The following PKD1L3 variants were observed in gnomAD, a reference collection of about 807,000 sequenced individuals.
PKD1L3 encodes polycystin-1-like protein 3.
A neutral mutation model predicts 184.1 loss-of-function variants in PKD1L3; 239 were observed. The observed-to-expected ratio is 1.30, with a 90% confidence interval of 1.17 to 1.45. The LOEUF (loss-of-function observed/expected upper bound fraction) is 1.45, where lower values mean the gene tolerates loss of function less well. Among genes scored for constraint, PKD1L3 ranks in the 40% most tolerant of loss-of-function variants. The pLI, the probability that PKD1L3 is intolerant of heterozygous loss-of-function variation, is 0.00. For missense variants in PKD1L3, 2,660 were observed against 2,067.2 expected (o/e 1.29, Z -5.56); for synonymous variants, 996 against 778.8 (o/e 1.28, Z -4.64).
At chr16:71,968,930 CTT>C (rs1196853513) in intron 13 of PKD1L3, among the ~76,000 whole-genome samples, 1 of 137,544 alleles carries the variant, frequency 7.3e-6, no homozygotes. Flanking sequence ...TTACATATAA[CTT>C]TTTTTTTTTT....
chr16:71,976,241 G>A (rs1049069893), intron 11 of PKD1L3, among the ~76,000 whole-genome samples: 3 of 133,218 alleles, frequency 2.3e-5, no homozygotes, highest in African/African-American at 8.0e-5. Flanking sequence ...TTTCAGGCAT[G>A]AGCCACTGAG....
Position 71,934,455 on chromosome 16 carries a change from C to T in PKD1L3, c.4614-330G>A, listed in dbSNP as rs1217479198. Among the ~76,000 whole-genome samples the T allele has an allele frequency of 2.0e-5, 3 of 152,158 alleles. No individual in the cohort carries two copies. The East Asian group carries it at 5.8e-4, about 29-fold the overall frequency. On this transcript the variant is annotated intron_variant, in intron 26 of 29. Transcript: ENST00000620267. Reference sequence around the variant, plus strand: ...TCCTGCACTGCTCTGAGCCAAATCTCTCCTCTCAAAAGGAGATTAACTCAG... The same window carrying T: ...TCCTGCACTGCTCTGAGCCAAATCTTTCCTCTCAAAAGGAGATTAACTCAG...
At chr16:71,977,557 GC>G in intron 10 of PKD1L3, 90 bp from the exon 11 acceptor site, 11 of 671,624 alleles carry the variant, frequency 1.6e-5, no homozygotes, top group Non-Finnish European at 2.2e-5. Context: ...AAACGTCCTA[GC>G]TCTTTTTTTT....
chr16:71,950,104 G>T lies in PKD1L3; in HGVS notation c.3383+14C>A. On this transcript the variant is annotated intron_variant, in intron 20 of 29. Transcript: ENST00000620267. Reference sequence around the variant, plus strand: ...GATTACAGGGGATAAAGAAGGCTTGGTGTGGTGCATTACCTGGATGGCTCT... The same window carrying T: ...GATTACAGGGGATAAAGAAGGCTTGTTGTGGTGCATTACCTGGATGGCTCT... 6.4e-7 allele frequency: 1 copy of T among 1,550,434 alleles called. No homozygotes were observed. The highest frequency in any genetic ancestry group is 8.7e-7 in the Non-Finnish European group (1 of 1,145,706).
At chr16:71,965,414 G>T (rs1283119001) in intron 15 of PKD1L3, among the ~76,000 whole-genome samples, 2 of 152,064 alleles carry the variant, frequency 1.3e-5, no homozygotes, top group Non-Finnish European at 2.9e-5. Context: ...TGATTTCTGG[G>T]TCACATGGTC....
rs1218124434 is a variant in PKD1L3, at chr16:71,963,315, A to T, written c.2502T>A (p.Val834=). 1.3e-6 allele frequency: 2 copies of T among 1,551,282 alleles called. No homozygotes were observed. The highest frequency in any genetic ancestry group is 2.7e-5 in the African/African-American group (2 of 73,044). ...VSQVIVCDMA[V]KRKWHFLCNC... ...TGCACAGGAAATGCCACTTCCTCTT[A>T]ACTGCCATGTCACAGACAATTACCT... Residue 834 remains valine, a synonymous_variant, in exon 16 of 30, where the codon GTT becomes GTA. Coordinates refer to ENST00000620267, the MANE Select transcript of PKD1L3 (RefSeq NM_181536.2).
chr16:71,971,174 T>C (rs1361266855), intron 12 of PKD1L3, among the ~76,000 whole-genome samples: 2 of 152,228 alleles, frequency 1.3e-5, no homozygotes, highest in African/African-American at 2.4e-5. Context: ...TAGAGAGGGA[T>C]ACTCAGAGGG....
chr16:71,956,144 C>T (rs2039037168), intron 16 of PKD1L3, among the ~76,000 whole-genome samples: 1 of 151,192 alleles, frequency 6.6e-6, no homozygotes, highest in African/African-American at 2.4e-5. Flanking sequence ...AGGTGTGAGC[C>T]ACTGCACCTG....
intron 11 of PKD1L3, among the ~76,000 whole-genome samples, chr16:71,974,442 G>C (rs765115486): frequency 1.3e-5 from 2 of 152,218 alleles, no homozygotes; most frequent in Non-Finnish European, 2.9e-5. Context: ...CACTTTGGGA[G>C]GTTAAGGCAG....
intron 16 of PKD1L3, among the ~76,000 whole-genome samples, chr16:71,959,339 G>C (rs2039179665): frequency 1.3e-5 from 2 of 152,268 alleles, no homozygotes; most frequent in Admixed American, 6.5e-5. Flanking sequence ...GAACCTGGGA[G>C]GTGGAGGTTG....
rs1480331347 is a variant in PKD1L3, at chr16:71,945,390, ATATATATATTTATT to A, written c.3719-1234_3719-1221del. ...TACACACACGCACACACACATATAT[ATATATATATTTATT>A]TATTTATTTATTTATTTATTTATAT... On this transcript the variant is annotated intron_variant, in intron 22 of 29. Transcript: ENST00000620267. 6.2e-4 allele frequency among the ~76,000 whole-genome samples: 58 copies of A among 94,216 alleles called. 1 individual carries two copies. The highest frequency in any genetic ancestry group is 1.0e-3 in the Non-Finnish European group (47 of 46,260). The allele number at this position is 94,216 out of a possible 152,430, so 61.8% of individuals were successfully genotyped here.
intron 16 of PKD1L3, 52 bp downstream of exon 16, chr16:71,963,153 A>C: frequency 6.9e-7 from 1 of 1,453,528 alleles, no homozygotes; most frequent in Middle Eastern, 1.8e-4. Context: ...TGAACAATTC[A>C]ATTAATAGTG....
Position 71,979,053 on chromosome 16 carries a change from G to C in PKD1L3, c.1399-670C>G, listed in dbSNP as rs563940262. 4.9e-4 allele frequency among the ~76,000 whole-genome samples: 74 copies of C among 152,320 alleles called. No homozygotes were observed. The South Asian group carries it at 0.015, about 31-fold the overall frequency. On this transcript the variant is annotated intron_variant, in intron 9 of 29. Coordinates refer to ENST00000620267, the MANE Select transcript of PKD1L3 (RefSeq NM_181536.2). ...TCAGGATAAGGCAACAATGCTACTT[G>C]TATTTGTCAGGTAACTGCTGAAAGG...
chr16:71,953,653 G>C (rs1339795432), intron 17 of PKD1L3, among the ~76,000 whole-genome samples: 1 of 152,058 alleles, frequency 6.6e-6, no homozygotes, highest in African/African-American at 2.4e-5. Context: ...GAGTGCAGTG[G>C]TGCAATCTCG....
chr16:71,975,886 G>C (rs1278236828), intron 11 of PKD1L3, among the ~76,000 whole-genome samples: 2 of 151,952 alleles, frequency 1.3e-5, no homozygotes. Flanking sequence ...TTCTGGTTGT[G>C]ATATACTCTA....
At chr16:71,989,010 G>C (rs570992188) in intron 4 of PKD1L3, among the ~76,000 whole-genome samples, 2 of 152,318 alleles carry the variant, frequency 1.3e-5, no homozygotes, top group South Asian at 4.1e-4. Flanking sequence ...CAAGGTCAGA[G>C]TGCTGTTTTT....
Position 71,993,329 on chromosome 16 carries a change from T to C in PKD1L3, c.422A>G (p.Asp141Gly). The change falls in exon 3 of 30, where the codon GAC becomes GGC. Residue 141 changes from aspartate to glycine, a missense_variant. Transcript: ENST00000620267. ...ATAATGGGCATCTCCGTCCAAAAAGTCACCTATTTGAAAGCCAACACACAA... is the reference window on the plus strand; with the variant it reads ...ATAATGGGCATCTCCGTCCAAAAAGCCACCTATTTGAAAGCCAACACACAA... ...LKYYFICQTG[D>G]FLDGDAHYER... is the part of the protein sequence containing the mutation. The C allele has an allele frequency of 9.1e-6, 14 of 1,541,450 alleles. No individual in the cohort carries two copies. Among genetic ancestry groups the C allele is most frequent in the Non-Finnish European group, 1.2e-5 (14 of 1,140,712 alleles).
At chr16:71,964,309 CTTTTTTTTTTTTTTTTTTTTTTTTTTT>C (rs772995457) in intron 15 of PKD1L3, among the ~76,000 whole-genome samples, 29 of 56,658 alleles carry the variant, frequency 5.1e-4, no homozygotes, top group Admixed American at 1.4e-3. Flanking sequence ...TCGTCAAAAT[CTTTTTTTTTTTTTTTTTTTTTTTTTTT>C]TTTTTTTTTT....
chr16:71,995,225 GC>G (rs1401704142), intron 2 of PKD1L3, among the ~76,000 whole-genome samples: 1 of 151,816 alleles, frequency 6.6e-6, no homozygotes, highest in Non-Finnish European at 1.5e-5. Flanking sequence ...TTTTATAAGG[GC>G]CCCTAATCCC....
Sources: allele counts gnomAD v4.1 joint callset (sites outside exome capture counted in the v4.1 genomes callset), GRCh38; gene constraint gnomAD v4.1.1; transcripts MANE v1.5; gene names NCBI Gene and HGNC (gene_info 2026-07-23, HGNC 2026-07-21).